The following DNAH14 variants were observed in gnomAD, a reference collection of about 807,000 sequenced individuals.
The protein encoded by DNAH14 is axonemal beta dynein heavy chain 14.
Under a neutral mutation model 520.9 loss-of-function variants are expected in DNAH14, and 478 were observed. The observed-to-expected ratio is 0.92, with a 90% confidence interval of 0.85 to 0.99. DNAH14 has a LOEUF of 0.99. Among genes scored for constraint, DNAH14 ranks in the 50% least tolerant of loss-of-function variants. DNAH14 has a pLI of 0.00. For synonymous variants in DNAH14, 1,581 were observed against 1,757.2 expected (o/e 0.90, Z 2.51); for missense variants, 4,831 against 5,234.5 (o/e 0.92, Z 2.38).
intron 81 of DNAH14, among the ~76,000 whole-genome samples, chr1:225,381,958 A>G (rs1421103731): frequency 6.6e-6 from 1 of 152,266 alleles, no homozygotes; most frequent in Non-Finnish European, 1.5e-5. Context: ...AAATTGTAAA[A>G]ACACAAAATG....
At chr1:225,248,692 A>G (rs2092413449) in intron 43 of DNAH14, among the ~76,000 whole-genome samples, 1 of 152,166 alleles carries the variant, frequency 6.6e-6, no homozygotes. Context: ...CTCCCTTAGC[A>G]CTCAGATCTC....
At chr1:225,331,328 G>A in intron 64 of DNAH14, 109 bp from the exon 65 acceptor site, 1 of 1,088,496 alleles carries the variant, frequency 9.2e-7, no homozygotes, top group Non-Finnish European at 1.3e-6. Context: ...AGATTTTCCA[G>A]GATGTGAAAA....
rs1275893261 is a variant in DNAH14, at chr1:225,377,403, A to G, written c.12683A>G (p.Gln4228Arg). 1.3e-6 allele frequency: 2 copies of G among 1,550,862 alleles called. No homozygotes were observed. Among genetic ancestry groups the G allele is most frequent in the African/African-American group, 1.4e-5 (1 of 73,032 alleles). ...TTTATTGAAAATCTGATTGCCATGC[A>G]ACCAAAAACTACCACTGCCAACCTC... ...EKFIENLIAMQPKTTTANLMI... is the reference protein window; with the variant it reads ...EKFIENLIAMRPKTTTANLMI... Residue 4228 changes from glutamine (Q) to arginine (R), a missense_variant, in exon 79 of 86, where the codon CAA (glutamine) becomes CGA (arginine). Gln to Arg is a conservative substitution (Grantham distance 43). Coordinates refer to ENST00000682510, the MANE Select transcript of DNAH14 (RefSeq NM_001367479.1).
At chr1:225,253,705 T>G (rs2092638618) in intron 44 of DNAH14, among the ~76,000 whole-genome samples, 1 of 152,182 alleles carries the variant, frequency 6.6e-6, no homozygotes, top group Non-Finnish European at 1.5e-5. Flanking sequence ...CAAGCTATTT[T>G]CTAATGTGCT....
At chr1:225,238,464 G>A (rs1224167913) in intron 42 of DNAH14, among the ~76,000 whole-genome samples, 2 of 152,154 alleles carry the variant, frequency 1.3e-5, no homozygotes, top group Non-Finnish European at 2.9e-5. Context: ...ATTTGAAACA[G>A]CAAAGATGGT....
At chr1:225,197,996 A>G (rs138368277) in intron 38 of DNAH14, among the ~76,000 whole-genome samples, 1 of 152,046 alleles carries the variant, frequency 6.6e-6, no homozygotes, top group Non-Finnish European at 1.5e-5. Flanking sequence ...TGACAGTTTG[A>G]CTTCCTCTTT....
chr1:224,938,415 A>G (rs1173644804), intron 1 of DNAH14, among the ~76,000 whole-genome samples: 1 of 151,900 alleles, frequency 6.6e-6, no homozygotes, highest in East Asian at 1.9e-4. Context: ...AAGTCATACA[A>G]ATGGCCAAAA....
At chr1:225,337,944 T>C in intron 67 of DNAH14, 117 bp from the exon 68 acceptor site, 1 of 1,002,164 alleles carries the variant, frequency 1.0e-6, no homozygotes, top group Non-Finnish European at 1.4e-6. Context: ...TACTATGAAA[T>C]ACTAGGTCTT....
At chr1:225,128,877 G>C (rs577033580) in intron 27 of DNAH14, among the ~76,000 whole-genome samples, 46 of 150,302 alleles carry the variant, frequency 3.1e-4, no homozygotes, top group Non-Finnish European at 5.3e-4. Context: ...AAGTCAAATT[G>C]TCCCTGTTTG....
At chr1:225,087,714 C>T (rs982372310) in intron 21 of DNAH14, among the ~76,000 whole-genome samples, 27 of 152,280 alleles carry the variant, frequency 1.8e-4, no homozygotes, top group Admixed American at 1.7e-3. Flanking sequence ...CCAATGGAGG[C>T]TACAGTATTT....
chr1:225,152,178 G>A (rs1559114723), intron 32 of DNAH14, 105 bp downstream of exon 32: 1 of 965,296 alleles, frequency 1.0e-6, no homozygotes, highest in East Asian at 2.6e-5. Flanking sequence ...CCATATATCT[G>A]TCTCCACCAT....
intron 41 of DNAH14, among the ~76,000 whole-genome samples, chr1:225,219,530 C>T (rs1177774898): frequency 6.6e-6 from 1 of 152,130 alleles, no homozygotes; most frequent in Non-Finnish European, 1.5e-5. Flanking sequence ...CTATAAACAC[C>T]TCTATGCAAA....
At chr1:225,255,876 C>T (rs2092714503) in intron 44 of DNAH14, among the ~76,000 whole-genome samples, 1 of 151,964 alleles carries the variant, frequency 6.6e-6, no homozygotes, top group Non-Finnish European at 1.5e-5. Context: ...AAAGCTGACA[C>T]AATTTGAAAA....
chr1:224,991,169 C>G (rs1484994872), intron 8 of DNAH14, among the ~76,000 whole-genome samples: 1 of 145,348 alleles, frequency 6.9e-6, no homozygotes, highest in Non-Finnish European at 1.5e-5. Context: ...ATCTCAGCTC[C>G]CTGCAACCTC....
intron 19 of DNAH14, among the ~76,000 whole-genome samples, chr1:225,082,262 G>A (rs1327375363): frequency 3.3e-5 from 5 of 150,898 alleles, no homozygotes; most frequent in Non-Finnish European, 5.9e-5. Flanking sequence ...GGAAACCTGT[G>A]GTAGCTGGCC....
rs376275533 is a variant in DNAH14, at chr1:225,082,759, T to C, written c.3327+20T>C. On this transcript the variant is annotated intron_variant, in intron 20 of 85. Coordinates refer to ENST00000682510, the MANE Select transcript of DNAH14 (RefSeq NM_001367479.1). ...CTCAAGGTAAATAAAAATGGTTTTT[T>C]AAAAAAATAGGTTGAAATACCAGAT... 1 of 1,531,588 alleles carries C rather than the reference T, an allele frequency of 6.5e-7. No individual in the cohort carries two copies. The highest frequency in any genetic ancestry group is 1.3e-5 in the South Asian group (1 of 79,444). 94.9% of individuals were successfully genotyped at this position (1,531,588 alleles called of 1,614,324 possible).
intron 81 of DNAH14, among the ~76,000 whole-genome samples, chr1:225,384,323 T>C (rs888001052): frequency 1.3e-5 from 2 of 152,174 alleles, no homozygotes; most frequent in Admixed American, 6.5e-5. Flanking sequence ...ATCTGTCTAA[T>C]GTTGACAGTG....
At chr1:225,128,910 A>G (rs977475192) in intron 27 of DNAH14, among the ~76,000 whole-genome samples, 5 of 151,234 alleles carry the variant, frequency 3.3e-5, no homozygotes, top group Non-Finnish European at 7.4e-5. Context: ...TTGTATATCT[A>G]GAAAACCCCA....
At chr1:225,012,425 G>A (rs974189786) in intron 10 of DNAH14, among the ~76,000 whole-genome samples, 6 of 151,426 alleles carry the variant, frequency 4.0e-5, no homozygotes, top group African/African-American at 1.5e-4. Context: ...ATGATTATAT[G>A]TCTTGGGGTT....
Sources: allele counts gnomAD v4.1 joint callset (sites outside exome capture counted in the v4.1 genomes callset), GRCh38; gene constraint gnomAD v4.1.1; transcripts MANE v1.5; gene names NCBI Gene and HGNC (gene_info 2026-07-23, HGNC 2026-07-21).